The following RALA variants were observed in gnomAD, a reference collection of about 807,000 sequenced individuals.
RALA encodes the protein RAS like proto-oncogene A, also known as ras-related protein Ral-A.
RALA carries 5 observed loss-of-function variants against 24.0 expected under a neutral mutation model. The observed-to-expected ratio is 0.21, with a 90% CI of 0.11 to 0.44. The LOEUF (loss-of-function observed/expected upper bound fraction) is 0.44. Among genes scored for constraint, RALA ranks in the 20% least tolerant of loss-of-function variants. The pLI, the probability that RALA is intolerant of heterozygous loss-of-function variation, is 0.99. For synonymous variants in RALA, 77 were observed against 83.8 expected, an observed-to-expected ratio of 0.92 and a Z score of 0.44; for missense variants, 95 against 241.2, an observed-to-expected ratio of 0.39 and a Z score of 4.01.
intron 1 of RALA, among the ~76,000 whole-genome samples, chr7:39,628,071 G>C (rs1337649547): frequency 1.3e-5 from 2 of 149,692 alleles, no homozygotes; most frequent in Non-Finnish European, 3.0e-5. Flanking sequence ...GCTAGTGTTT[G>C]TTTACTCAGT....
intron 1 of RALA, among the ~76,000 whole-genome samples, chr7:39,631,011 GT>G (rs70996823): frequency 0.46 from 64,472 of 139,010 alleles, 14,038 homozygotes; most frequent in Non-Finnish European, 0.5. Context: ...TTTTGTTTTT[GT>G]TTTTTTTTTT....
At chr7:39,706,009 A>C in intron 4 of RALA, 114 bp from the exon 5 acceptor site, 3 of 918,468 alleles carry the variant, frequency 3.3e-6, no homozygotes, top group Non-Finnish European at 4.8e-6. Context: ...CTCCCAAACA[A>C]GAGCTCTTAA....
intron 4 of RALA, among the ~76,000 whole-genome samples, chr7:39,698,500 T>C (rs537921863): frequency 2.0e-5 from 3 of 152,230 alleles, no homozygotes; most frequent in Admixed American, 1.3e-4. Context: ...TAGAAAATTA[T>C]AGATTTGAAG....
chr7:39,675,607 T>A (rs756926908), intron 1 of RALA, among the ~76,000 whole-genome samples: 25 of 152,046 alleles, frequency 1.6e-4, no homozygotes, highest in Non-Finnish European at 2.8e-4. Context: ...GTGCCTGTAG[T>A]CCTAGTTACT....
At chr7:39,660,596 T>A (rs991389594) in intron 1 of RALA, among the ~76,000 whole-genome samples, 1 of 152,214 alleles carries the variant, frequency 6.6e-6, no homozygotes, top group Non-Finnish European at 1.5e-5. Flanking sequence ...GTGATTGTAT[T>A]TTTATGCTTA....
chr7:39,653,353 G>A (rs557112892), intron 1 of RALA, among the ~76,000 whole-genome samples: 4 of 151,924 alleles, frequency 2.6e-5, no homozygotes, highest in Admixed American at 2.6e-4. Flanking sequence ...TTGAGATAGG[G>A]TCTTGCTCTG....
At chr7:39,691,696 G>A (rs1792821067) in intron 3 of RALA, among the ~76,000 whole-genome samples, 1 of 152,184 alleles carries the variant, frequency 6.6e-6, no homozygotes, top group African/African-American at 2.4e-5. Flanking sequence ...CAAAAAGCAG[G>A]TAATTGAGAA....
At chr7:39,702,268 C>T (rs1261443817) in intron 4 of RALA, among the ~76,000 whole-genome samples, 7 of 152,076 alleles carry the variant, frequency 4.6e-5, no homozygotes, top group Non-Finnish European at 8.8e-5. Flanking sequence ...AGTGCTAACA[C>T]GGGTGTGTCT....
At chr7:39,696,005 A>G (rs1033660285) in intron 3 of RALA, among the ~76,000 whole-genome samples, 12 of 152,222 alleles carry the variant, frequency 7.9e-5, no homozygotes, top group African/African-American at 2.4e-4. Flanking sequence ...TAAGGAAGGT[A>G]TAATTGTTGG....
intron 1 of RALA, among the ~76,000 whole-genome samples, chr7:39,681,340 CAG>C (rs1202642674): frequency 7.1e-4 from 46 of 65,102 alleles, no homozygotes; most frequent in African/African-American, 2.1e-3. Flanking sequence ...TTTTTTGAGA[CAG>C]AGTCTTACTC....
chr7:39,634,423 C>G (rs981992494), intron 1 of RALA, among the ~76,000 whole-genome samples: 1 of 152,190 alleles, frequency 6.6e-6, no homozygotes, highest in Non-Finnish European at 1.5e-5. Context: ...ACCCTGATGG[C>G]ACACTTCAGC....
chr7:39,626,637 A>G (rs1366268835), intron 1 of RALA, among the ~76,000 whole-genome samples: 2 of 152,234 alleles, frequency 1.3e-5, no homozygotes, highest in Non-Finnish European at 2.9e-5. Context: ...CATGATGGAA[A>G]AATGGTTGGG....
Position 39,681,302 on chromosome 7 carries a change from C to CTTTTTTTTTTTTTTTT in RALA, c.-37-5311_-37-5296dup, listed in dbSNP as rs70996832. Among the ~76,000 whole-genome samples, 58 of 50,050 alleles carry CTTTTTTTTTTTTTTTT rather than the reference C, an allele frequency of 1.2e-3. 11 individuals are homozygous for CTTTTTTTTTTTTTTTT. The highest frequency in any genetic ancestry group is 1.7e-3 in the Non-Finnish European group (47 of 28,090). 32.8% of individuals were successfully genotyped at this position (50,050 alleles called of 152,430 possible). On this transcript the variant is annotated intron_variant, in intron 1 of 4. Transcript: ENST00000005257. ...TCCTCAACCCAAACCCACCCTATTC[C>CTTTTTTTTTTTTTTTT]TTTTTTTTTTTTTTTTTTTTTTTTT...
chr7:39,675,128 T>C (rs1255007807), intron 1 of RALA, among the ~76,000 whole-genome samples: 1 of 152,136 alleles, frequency 6.6e-6, no homozygotes, highest in Non-Finnish European at 1.5e-5. Flanking sequence ...TTAATAATTA[T>C]GTGTGTGAAA....
intron 3 of RALA, among the ~76,000 whole-genome samples, chr7:39,693,747 G>A (rs1792872084): frequency 6.6e-6 from 1 of 152,158 alleles, no homozygotes; most frequent in Admixed American, 6.5e-5. Context: ...TCATGTGAGT[G>A]GTAGGAAGCA....
intron 1 of RALA, among the ~76,000 whole-genome samples, chr7:39,649,261 T>G (rs1303005826): frequency 2.6e-5 from 4 of 152,210 alleles, no homozygotes. Flanking sequence ...GGCAGTTACA[T>G]GTGAATCTGA....
At chr7:39,680,906 A>G in intron 1 of RALA, among the ~76,000 whole-genome samples, 1 of 152,160 alleles carries the variant, frequency 6.6e-6, no homozygotes, top group East Asian at 1.9e-4. Context: ...CCCTCGCAAA[A>G]TTATCTGTGG....
At chr7:39,692,779 A>G (rs567633093) in intron 3 of RALA, among the ~76,000 whole-genome samples, 5 of 152,322 alleles carry the variant, frequency 3.3e-5, no homozygotes, top group South Asian at 4.1e-4. Context: ...ATTAATGACT[A>G]TATATACACA....
intron 1 of RALA, among the ~76,000 whole-genome samples, chr7:39,663,652 A>G (rs1792236728): frequency 6.6e-6 from 1 of 152,062 alleles, no homozygotes; most frequent in South Asian, 2.1e-4. Flanking sequence ...AAGAAAAAAT[A>G]TATGAAGCCT....
Sources: allele counts gnomAD v4.1 joint callset (sites outside exome capture counted in the v4.1 genomes callset), GRCh38; gene constraint gnomAD v4.1.1; transcripts MANE v1.5; gene names NCBI Gene and HGNC (gene_info 2026-07-23, HGNC 2026-07-21).